NCK2: variants seen among roughly 807,000 people sequenced by gnomAD.
NCK2 encodes the protein NCK adaptor protein 2, also known as cytoplasmic protein NCK2.
Under a neutral mutation model 33.9 loss-of-function variants are expected in NCK2, and 16 were observed. That is an observed-to-expected ratio of 0.47 (90% confidence interval 0.32 to 0.72). The LOEUF (loss-of-function observed/expected upper bound fraction) is 0.72, where lower values mean the gene tolerates loss of function less well. Ranked by LOEUF, NCK2 falls within the 30% of genes least tolerant of loss-of-function variation. NCK2 has a pLI of 0.03. For synonymous variants in NCK2, 273 were observed against 239.9 expected (o/e 1.14, Z -1.27); for missense variants, 418 against 537.3 (o/e 0.78, Z 2.19).
At chr2:105,787,218 G>A (rs1052496537) in intron 1 of NCK2, among the ~76,000 whole-genome samples, 22 of 152,226 alleles carry the variant, frequency 1.4e-4, no homozygotes, top group Admixed American at 7.9e-4. Context: ...GCTCAGCGCC[G>A]TGGAAGGGGC....
chr2:105,781,038 C>T (rs926955134), intron 1 of NCK2, among the ~76,000 whole-genome samples: 1 of 152,200 alleles, frequency 6.6e-6, no homozygotes, highest in Non-Finnish European at 1.5e-5. Flanking sequence ...CTCACCTGGT[C>T]GTGGTCTTCC....
Position 105,773,058 on chromosome 2 carries a change from A to AT in NCK2, c.-201+27932dup, listed in dbSNP as rs761702189. 3.1e-3 allele frequency among the ~76,000 whole-genome samples: 453 copies of AT among 145,594 alleles called. 4 individuals are homozygous for AT. The highest frequency in any genetic ancestry group is 5.1e-3 in the Admixed American group (74 of 14,574). ...AGGTGTGTAGCACCCCACTCAGCAAATTTTTTTTTTTTAATTTTTCTGTAG... is the reference window on the plus strand; with the variant it reads ...AGGTGTGTAGCACCCCACTCAGCAAATTTTTTTTTTTTTAATTTTTCTGTAG... On this transcript the variant is annotated intron_variant, in intron 1 of 4. Coordinates refer to ENST00000233154, the MANE Select transcript of NCK2 (RefSeq NM_003581.5).
intron 4 of NCK2, among the ~76,000 whole-genome samples, chr2:105,887,282 T>C (rs1678758862): frequency 6.6e-6 from 1 of 152,184 alleles, no homozygotes; most frequent in South Asian, 2.1e-4. Context: ...GGGAGGTAAA[T>C]GAACCACTTC....
chr2:105,852,547 C>T (rs1310584768), intron 2 of NCK2, among the ~76,000 whole-genome samples: 4 of 152,180 alleles, frequency 2.6e-5, no homozygotes, highest in Non-Finnish European at 5.9e-5. Flanking sequence ...CCAGCCAGCT[C>T]TTTACTTAAC....
chr2:105,891,551 T>G (rs1678979480), intron 4 of NCK2, among the ~76,000 whole-genome samples: 1 of 12,038 alleles, frequency 8.3e-5, no homozygotes, highest in African/African-American at 6.1e-4. Flanking sequence ...TTTTTTTTTT[T>G]TTTTTTTTTT....
chr2:105,799,267 G>T (rs905127763), intron 1 of NCK2, among the ~76,000 whole-genome samples: 18 of 99,852 alleles, frequency 1.8e-4, no homozygotes, highest in Non-Finnish European at 4.0e-4. Flanking sequence ...TGAGTCCTAG[G>T]TTTAAAAAAA....
chr2:105,795,279 G>A (rs925498960), intron 1 of NCK2, among the ~76,000 whole-genome samples: 8 of 150,746 alleles, frequency 5.3e-5, no homozygotes, highest in African/African-American at 2.0e-4. Flanking sequence ...AAACACATAT[G>A]TGTATACAGT....
At chr2:105,755,796 G>A (rs187570508) in intron 1 of NCK2, among the ~76,000 whole-genome samples, 5 of 151,410 alleles carry the variant, frequency 3.3e-5, no homozygotes, top group Non-Finnish European at 7.4e-5. Context: ...GTTGGTGATT[G>A]TCTACAGAAG....
At chr2:105,864,370 A>G (rs1196440161) in intron 3 of NCK2, among the ~76,000 whole-genome samples, 1 of 152,140 alleles carries the variant, frequency 6.6e-6, no homozygotes, top group Non-Finnish European at 1.5e-5. Flanking sequence ...GAAAACCCCT[A>G]GGACTCTGTT....
At chr2:105,843,100 C>A (rs1223615209) in intron 2 of NCK2, among the ~76,000 whole-genome samples, 2 of 152,002 alleles carry the variant, frequency 1.3e-5, no homozygotes, top group Non-Finnish European at 2.9e-5. Flanking sequence ...TTAGGGCATT[C>A]AGAATTTTTT....
At chr2:105,855,523 C>T (rs1396248265) in intron 3 of NCK2, 1 of 444,396 alleles carries the variant, frequency 2.3e-6, no homozygotes, top group African/African-American at 2.0e-5. Context: ...ACTTTGTGTG[C>T]TTGGGACCCC....
intron 1 of NCK2, among the ~76,000 whole-genome samples, chr2:105,755,945 GAGACTAAAAATATCACAAATT>G (rs1228224871): frequency 1.3e-5 from 2 of 152,204 alleles, no homozygotes; most frequent in Non-Finnish European, 2.9e-5. Flanking sequence ...TCAGGGGAGA[GAGACTAAAAATATCACAAATT>G]AGACCTTACG....
At chr2:105,869,748 C>A (rs937228845) in intron 3 of NCK2, among the ~76,000 whole-genome samples, 1 of 152,122 alleles carries the variant, frequency 6.6e-6, no homozygotes, top group Non-Finnish European at 1.5e-5. Context: ...TTTGCATATT[C>A]AAAAACGCTT....
chr2:105,847,771 T>C (rs887107909), intron 2 of NCK2, among the ~76,000 whole-genome samples: 7 of 152,246 alleles, frequency 4.6e-5, no homozygotes, highest in Admixed American at 2.0e-4. Context: ...TAAATTTACA[T>C]TTTATAATAG....
chr2:105,862,051 T>TA (rs1269312542), intron 3 of NCK2, among the ~76,000 whole-genome samples: 1 of 152,034 alleles, frequency 6.6e-6, no homozygotes, highest in Admixed American at 6.6e-5. Flanking sequence ...CTGCCCCGGG[T>TA]AACTAAAGGC....
At chr2:105,886,218 A>G (rs1003327113) in intron 4 of NCK2, among the ~76,000 whole-genome samples, 1 of 152,242 alleles carries the variant, frequency 6.6e-6, no homozygotes, top group African/African-American at 2.4e-5. Flanking sequence ...TTTTTGTAAT[A>G]GTTCTAATTT....
chr2:105,887,779 ATCTGTTT>A (rs1487733273), intron 4 of NCK2, among the ~76,000 whole-genome samples: 2 of 152,216 alleles, frequency 1.3e-5, no homozygotes, highest in Admixed American at 6.5e-5. Flanking sequence ...TGATCAGGAC[ATCTGTTT>A]TATAAAACTG....
intron 3 of NCK2, among the ~76,000 whole-genome samples, chr2:105,864,153 C>T (rs1384492586): frequency 2.0e-5 from 3 of 152,004 alleles, no homozygotes; most frequent in African/African-American, 7.2e-5. Flanking sequence ...AAAGAACCCT[C>T]GGAGGTTTCC....
chr2:105,749,204 G>C (rs1038018658), intron 1 of NCK2, among the ~76,000 whole-genome samples: 1 of 152,158 alleles, frequency 6.6e-6, no homozygotes, highest in Non-Finnish European at 1.5e-5. Context: ...TTGTGATCCT[G>C]GCCTGGTAAG....
Sources: allele counts gnomAD v4.1 joint callset (sites outside exome capture counted in the v4.1 genomes callset), GRCh38; gene constraint gnomAD v4.1.1; transcripts MANE v1.5; gene names NCBI Gene and HGNC (gene_info 2026-07-23, HGNC 2026-07-21).